The following WASHC5 variants were observed in gnomAD, a reference collection of about 807,000 sequenced individuals.
The protein encoded by WASHC5 is WASH complex subunit 5, also known as WASH complex subunit strumpellin.
A neutral mutation model predicts 150.4 loss-of-function variants in WASHC5; 101 were observed. The observed-to-expected ratio is 0.67, with a 90% CI of 0.57 to 0.79. The LOEUF (loss-of-function observed/expected upper bound fraction) is 0.79, where lower values mean the gene tolerates loss of function less well. WASHC5 is among the 30% of genes least tolerant of loss of function. The pLI is 0.00. For synonymous variants in WASHC5, 467 were observed against 491.2 expected, an observed-to-expected ratio of 0.95 and a Z score of 0.65; for missense variants, 1,195 against 1,396.3, an observed-to-expected ratio of 0.86 and a Z score of 2.30.
Position 125,050,544 on chromosome 8 carries a change from C to A in WASHC5, c.2199+20G>T, listed in dbSNP as rs1224705336. On this transcript the variant is annotated intron_variant, in intron 18 of 28. Coordinates refer to ENST00000318410, the MANE Select transcript of WASHC5 (RefSeq NM_014846.4). The stretch of plus-strand genomic sequence containing the variant: ...AAGCTGGGCGGAGAAGAGGACAGGC[C>A]CACTCTGGTCACTGGGTACCTTGGC... 1 of 1,575,242 alleles carries A rather than the reference C, an allele frequency of 6.3e-7. No homozygotes were observed. Among genetic ancestry groups the A allele is most frequent in the East Asian group, 2.2e-5 (1 of 44,678 alleles).
At chr8:125,057,102 G>T (rs568905859) in intron 15 of WASHC5, among the ~76,000 whole-genome samples, 21 of 152,170 alleles carry the variant, frequency 1.4e-4, no homozygotes, top group Non-Finnish European at 2.8e-4. Context: ...TCACTATAGA[G>T]GACTGGCTAG....
Position 125,046,852 on chromosome 8 carries a change from C to T in WASHC5, c.2504+355G>A, listed in dbSNP as rs1326945946. ...CTAGATCCCTCACATGCAAAGTTCA[C>T]GCTCCTATGAGAATCTAATGCTCCT... On this transcript the variant is annotated intron_variant, in intron 20 of 28. Transcript: ENST00000318410. Among the ~76,000 whole-genome samples, 5 of 152,260 alleles carry T rather than the reference C, an allele frequency of 3.3e-5. No individual in the cohort carries two copies. In the East Asian group the frequency reaches 7.7e-4, roughly 23 times the overall value.
intron 11 of WASHC5, among the ~76,000 whole-genome samples, chr8:125,062,832 T>C (rs1816639385): frequency 6.6e-6 from 1 of 152,166 alleles, no homozygotes; most frequent in African/African-American, 2.4e-5. Flanking sequence ...AAAAAATAGT[T>C]TGTCACCATA....
intron 12 of WASHC5, among the ~76,000 whole-genome samples, chr8:125,060,204 T>C (rs1233092806): frequency 1.3e-5 from 2 of 152,120 alleles, no homozygotes; most frequent in Non-Finnish European, 2.9e-5. Flanking sequence ...ATAATAGAGT[T>C]GGCCGGGCAC....
intron 18 of WASHC5, among the ~76,000 whole-genome samples, 153 bp from the exon 19 acceptor site, chr8:125,049,338 C>G (rs1477145179): frequency 1.1e-4 from 16 of 152,160 alleles, no homozygotes; most frequent in Non-Finnish European, 1.5e-5. Flanking sequence ...GCAGGAAGAT[C>G]ACTTGAGGTC....
At chr8:125,052,637 C>T (rs79682356) in intron 17 of WASHC5, among the ~76,000 whole-genome samples, 11,646 of 151,392 alleles carry the variant, frequency 0.077, 915 homozygotes, top group African/African-American at 0.2. Context: ...CACACACACA[C>T]ACATACATAC....
chr8:125,070,341 C>T (rs1450646447), intron 9 of WASHC5, among the ~76,000 whole-genome samples: 5 of 152,090 alleles, frequency 3.3e-5, no homozygotes, highest in South Asian at 4.1e-4. Context: ...TGATAAATTA[C>T]GACCCTGTGC....
chr8:125,083,399 T>A (rs1346671953), intron 2 of WASHC5, 141 bp from the exon 3 acceptor site: 2 of 749,264 alleles, frequency 2.7e-6, no homozygotes, highest in South Asian at 1.8e-5. Context: ...GTGAAGATAA[T>A]AGAAGCCTAG....
intron 2 of WASHC5, 35 bp downstream of exon 2, chr8:125,083,678 A>G: frequency 6.6e-7 from 1 of 1,525,354 alleles, no homozygotes; most frequent in Non-Finnish European, 9.1e-7. Context: ...TTTTGTAGAA[A>G]AGACAACAAT....
chr8:125,081,725 C>A lies in WASHC5; in HGVS notation c.454G>T (p.Val152Phe). 6.2e-7 allele frequency: 1 copy of A among 1,612,538 alleles called. No individual in the cohort carries two copies. The highest frequency in any genetic ancestry group is 8.5e-7 in the Non-Finnish European group (1 of 1,178,776). Residue 152 changes from valine (V) to phenylalanine (F), a missense_variant, in exon 5 of 29, where the codon GTC (valine) becomes TTC (phenylalanine). Val to Phe is a conservative substitution (Grantham distance 50). Transcript: ENST00000318410. Reference protein sequence around the residue: ...ALYLYGVMLLVIDQKIEGEVR... With the variant: ...ALYLYGVMLLFIDQKIEGEVR... ...TCTCCTTCAATCTTTTGGTCAATGA[C>A]CAGTAGCATAACTCCATATAAGTAC...
chr8:125,090,155 A>G (rs755471327), intron 1 of WASHC5, among the ~76,000 whole-genome samples: 1 of 152,248 alleles, frequency 6.6e-6, no homozygotes, highest in African/African-American at 2.4e-5. Flanking sequence ...AGACCTCCTA[A>G]CCCGGACTAG....
rs1312566224 is a variant in WASHC5, at chr8:125,079,142, A to ATATATATATATAC, written c.519-213_519-212insGTATATATATATA. On this transcript the variant is annotated intron_variant, in intron 5 of 28. Coordinates refer to ENST00000318410, the MANE Select transcript of WASHC5 (RefSeq NM_014846.4). ...TATATATATATATATATATATATACATTTTTTTTTGAGATGGAGTCTCGCT... is the reference window on the plus strand; with the variant it reads ...TATATATATATATATATATATATACATATATATATATACTTTTTTTTTGAGATGGAGTCTCGCT... Among the ~76,000 whole-genome samples the ATATATATATATAC allele has an allele frequency of 1.5e-3, 167 of 108,086 alleles. 1 individual carries two copies. Among genetic ancestry groups the ATATATATATATAC allele is most frequent in the African/African-American group, 9.5e-3 (163 of 17,230 alleles). The allele number at this position is 108,086 out of a possible 152,430, so 70.9% of individuals were successfully genotyped here. A position where few individuals can be genotyped will look rare whatever the true frequency, so the allele number is the denominator to read the frequency against.
In WASHC5 at chr8:125,075,076, T is replaced by C. The variant is rs761372777; in HGVS notation, c.900A>G (p.Leu300=). ...ISIYMGITVN[L]VDAWEPYKAA... Reference sequence around the variant, plus strand: ...CTTTGTAAGGTTCCCAAGCATCTACTAGATTAACTGTGATCCCCATGTAAA... The same window carrying C: ...CTTTGTAAGGTTCCCAAGCATCTACCAGATTAACTGTGATCCCCATGTAAA... Residue 300 remains leucine, a synonymous_variant, in exon 8 of 29, where the codon CTA becomes CTG. Transcript: ENST00000318410. 28 of 1,611,256 alleles carry C rather than the reference T, an allele frequency of 1.7e-5. No homozygotes were observed. Among genetic ancestry groups the C allele is most frequent in the Non-Finnish European group, 2.4e-5 (28 of 1,177,672 alleles).
chr8:125,052,931 C>T lies in WASHC5; in HGVS notation c.2098-2266G>A, dbSNP rs187565623. Among the ~76,000 whole-genome samples, 13 of 152,242 alleles carry T rather than the reference C, an allele frequency of 8.5e-5. No homozygotes were observed. In the East Asian group the frequency reaches 2.3e-3, roughly 27 times the overall value. On this transcript the variant is annotated intron_variant, in intron 17 of 28. Transcript: ENST00000318410. The stretch of plus-strand genomic sequence containing the variant: ...TTTAGCTTACCCTACTTCAAATGTG[C>T]TCAGAACACTTACATTAGCCTACAG...
At chr8:125,024,812 A>G in intron 28 of WASHC5, 139 bp from the exon 29 acceptor site, 1 of 664,882 alleles carries the variant, frequency 1.5e-6, no homozygotes, top group South Asian at 1.8e-5. Flanking sequence ...ACTCCTTGAA[A>G]CAGCCCCTTT....
At chr8:125,063,381 C>A (rs146931223) in intron 11 of WASHC5, 141 bp downstream of exon 11, 233 of 950,096 alleles carry the variant, frequency 2.5e-4, no homozygotes, top group Middle Eastern at 1.9e-3. Flanking sequence ...ACCTTCAGAT[C>A]TTTATTAGCA....
At position 125,049,697 on chromosome 8, in the gene WASHC5, C is replaced by T. The variant is rs140065983; in HGVS notation, c.2200-512G>A. Reference sequence around the variant, plus strand: ...CCCCATCAAAAATACAAAAATTAGCCGGATATGATGGCAGGCACCTATAAT... The same window carrying T: ...CCCCATCAAAAATACAAAAATTAGCTGGATATGATGGCAGGCACCTATAAT... On this transcript the variant is annotated intron_variant, in intron 18 of 28. Transcript: ENST00000318410. Among the ~76,000 whole-genome samples the T allele has an allele frequency of 1.2e-4, 18 of 151,698 alleles. No homozygotes were observed. The East Asian group carries it at 1.9e-3, about 16-fold the overall frequency.
At chr8:125,042,793 C>T (rs1815933683) in intron 23 of WASHC5, among the ~76,000 whole-genome samples, 1 of 152,176 alleles carries the variant, frequency 6.6e-6, no homozygotes, top group Non-Finnish European at 1.5e-5. Context: ...GGCAGACCCA[C>T]ATCACGAGAG....
chr8:125,064,363 T>C (rs1390263448), intron 10 of WASHC5, among the ~76,000 whole-genome samples: 2 of 145,492 alleles, frequency 1.4e-5, no homozygotes, highest in African/African-American at 2.7e-5. Flanking sequence ...CCACTACACC[T>C]GGTTAATTTT....
Sources: gnomAD v4.1 joint callset for allele counts (sites outside exome capture counted in the v4.1 genomes callset) on GRCh38, gnomAD v4.1.1 for gene constraint, MANE v1.5 for transcripts, NCBI Gene and HGNC (gene_info 2026-07-23, HGNC 2026-07-21) for gene names.